Variants in PAPPA2 observed in about 807,000 individuals in gnomAD.
PAPPA2 encodes pappalysin-2.
A neutral mutation model predicts 176.4 loss-of-function variants in PAPPA2; 86 were observed. The ratio of observed to expected loss-of-function variants is 0.49; its 90% CI spans 0.41 to 0.58. The LOEUF (loss-of-function observed/expected upper bound fraction) is 0.58, where lower values mean the gene tolerates loss of function less well. Among genes scored for constraint, PAPPA2 ranks in the 20% least tolerant of loss-of-function variants. The pLI, the probability that PAPPA2 is intolerant of heterozygous loss-of-function variation, is 0.00. For synonymous variants in PAPPA2, 809 were observed against 852.2 expected (o/e 0.95, Z 0.88); for missense variants, 2,073 against 2,256.9 (o/e 0.92, Z 1.65).
chr1:176,778,543 A>G (rs1664563048), intron 17 of PAPPA2, among the ~76,000 whole-genome samples: 1 of 152,184 alleles, frequency 6.6e-6, no homozygotes, highest in Non-Finnish European at 1.5e-5. Flanking sequence ...AATAAACTGA[A>G]AATGTGCAGC....
chr1:176,578,001 C>T (rs1426635645), intron 2 of PAPPA2, among the ~76,000 whole-genome samples: 1 of 152,174 alleles, frequency 6.6e-6, no homozygotes, highest in Non-Finnish European at 1.5e-5. Flanking sequence ...AGGACTCTCA[C>T]TCCTAACTTT....
intron 1 of PAPPA2, among the ~76,000 whole-genome samples, chr1:176,498,460 C>T (rs1647757676): frequency 6.6e-6 from 1 of 152,110 alleles, no homozygotes; most frequent in Admixed American, 6.5e-5. Context: ...GGATAGAAAT[C>T]TGAAGCTGGC....
intron 1 of PAPPA2, among the ~76,000 whole-genome samples, chr1:176,534,687 A>G (rs1649979299): frequency 4.6e-5 from 7 of 152,204 alleles, no homozygotes; most frequent in Admixed American, 4.6e-4. Flanking sequence ...GAGAGAAGCA[A>G]TGCGGTTTAT....
At chr1:176,782,050 G>A (rs1407052743) in intron 17 of PAPPA2, among the ~76,000 whole-genome samples, 1 of 152,188 alleles carries the variant, frequency 6.6e-6, no homozygotes, top group Non-Finnish European at 1.5e-5. Flanking sequence ...CAGCACAAAT[G>A]CACTAAGTGA....
chr1:176,488,395 T>TA (rs954802162), intron 1 of PAPPA2, among the ~76,000 whole-genome samples: 9 of 152,104 alleles, frequency 5.9e-5, no homozygotes, highest in Admixed American at 1.3e-4. Context: ...TATGTATAGA[T>TA]AAAAAATGGT....
Position 176,717,531 on chromosome 1 carries a change from C to T in PAPPA2, c.3798+5550C>T, listed in dbSNP as rs547270869. On this transcript the variant is annotated intron_variant, in intron 12 of 22. Transcript: ENST00000367662. ...TCTGAGCTCACTGTCTATGGGGTAG[C>T]CTTGCTATGAGAGTAGCGGTACCTC... 1.5e-3 allele frequency among the ~76,000 whole-genome samples: 224 copies of T among 152,326 alleles called. 1 individual carries two copies. Among genetic ancestry groups the T allele is most frequent in the Non-Finnish European group, 2.9e-3 (197 of 68,026 alleles).
intron 1 of PAPPA2, among the ~76,000 whole-genome samples, chr1:176,491,446 A>G (rs1214369893): frequency 6.6e-6 from 1 of 152,188 alleles, no homozygotes; most frequent in Non-Finnish European, 1.5e-5. Flanking sequence ...TTGCATGAGA[A>G]AAAACACAGA....
chr1:176,784,830 C>G (rs1299587393), intron 17 of PAPPA2, among the ~76,000 whole-genome samples: 1 of 152,144 alleles, frequency 6.6e-6, no homozygotes, highest in Non-Finnish European at 1.5e-5. Context: ...TCATGATCCA[C>G]CCACCTTGGC....
intron 3 of PAPPA2, among the ~76,000 whole-genome samples, chr1:176,606,315 C>G (rs955832004): frequency 1.3e-5 from 2 of 152,032 alleles, no homozygotes; most frequent in African/African-American, 4.8e-5. Flanking sequence ...TCTTACACAC[C>G]AGCAAAATGT....
intron 15 of PAPPA2, 92 bp downstream of exon 15, chr1:176,765,929 T>C: frequency 2.7e-6 from 4 of 1,479,088 alleles, no homozygotes; most frequent in Non-Finnish European, 3.6e-6. Flanking sequence ...AAAGAGCAGA[T>C]GTTTTTAAAC....
At chr1:176,587,945 A>G (rs1029141181) in intron 2 of PAPPA2, among the ~76,000 whole-genome samples, 6 of 152,242 alleles carry the variant, frequency 3.9e-5, no homozygotes, top group Non-Finnish European at 8.8e-5. Flanking sequence ...TAATTCTGTG[A>G]AGAATGTCAA....
rs565809404 is a variant in PAPPA2 at position 176,788,015 on chromosome 1, G to A, written c.4716-1794G>A. Reference sequence around the variant, plus strand: ...GCAGAGGTTGCAGCGAGCCGAGATCGCGCCATTGCACTCCAGCCTAGGCAA... The same window carrying A: ...GCAGAGGTTGCAGCGAGCCGAGATCACGCCATTGCACTCCAGCCTAGGCAA... On this transcript the variant is annotated intron_variant, in intron 17 of 22. Coordinates refer to ENST00000367662, the MANE Select transcript of PAPPA2 (RefSeq NM_020318.3). Among the ~76,000 whole-genome samples, 65 of 151,992 alleles carry A rather than the reference G, an allele frequency of 4.3e-4. 2 individuals are homozygous for A. Among genetic ancestry groups the A allele is most frequent in the Admixed American group, 2.6e-3 (39 of 15,244 alleles).
chr1:176,842,723 A>T lies in PAPPA2; in HGVS notation c.*269A>T. On this transcript the variant is annotated 3_prime_UTR_variant, in exon 23 of 23. Coordinates refer to ENST00000367662, the MANE Select transcript of PAPPA2 (RefSeq NM_020318.3). ...GGGGAAATATGATAGATATATAAGG[A>T]CCCTCCTCCCTCACTTATATTCTAT... 1 of 432,374 alleles carries T rather than the reference A, an allele frequency of 2.3e-6. No homozygotes were observed. Among genetic ancestry groups the T allele is most frequent in the Non-Finnish European group, 4.2e-6 (1 of 237,726 alleles). 26.8% of individuals were successfully genotyped at this position (432,374 alleles called of 1,614,324 possible). A position where few individuals can be genotyped will look rare whatever the true frequency, so the allele number is the denominator to read the frequency against.
intron 3 of PAPPA2, among the ~76,000 whole-genome samples, chr1:176,610,229 A>G (rs1654835229): frequency 6.6e-6 from 1 of 151,470 alleles, no homozygotes; most frequent in African/African-American, 2.4e-5. Context: ...ATTCCTAGGA[A>G]TGTCTATGTC....
chr1:176,652,352 TTTTC>T (rs1436155778), intron 3 of PAPPA2, among the ~76,000 whole-genome samples: 1 of 151,806 alleles, frequency 6.6e-6, no homozygotes, highest in African/African-American at 2.4e-5. Context: ...AATCTGTTGC[TTTTC>T]TTTATTTTCC....
intron 1 of PAPPA2, among the ~76,000 whole-genome samples, chr1:176,530,684 T>C (rs1027305092): frequency 6.6e-6 from 1 of 152,086 alleles, no homozygotes; most frequent in African/African-American, 2.4e-5. Flanking sequence ...AACAGCAACA[T>C]CCACCAAATA....
chr1:176,727,044 A>G (rs1001393092), intron 12 of PAPPA2, among the ~76,000 whole-genome samples: 1 of 152,208 alleles, frequency 6.6e-6, no homozygotes, highest in African/African-American at 2.4e-5. Context: ...TGCATATTGT[A>G]ATCTCTAGAA....
chr1:176,763,983 G>A (rs907733771), intron 14 of PAPPA2, among the ~76,000 whole-genome samples: 10 of 152,214 alleles, frequency 6.6e-5, no homozygotes, highest in Non-Finnish European at 8.8e-5. Flanking sequence ...GTGTATGCTC[G>A]GCTTTCTTGC....
At chr1:176,753,616 G>C (rs1232684711) in intron 14 of PAPPA2, among the ~76,000 whole-genome samples, 1 of 35,894 alleles carries the variant, frequency 2.8e-5, no homozygotes. Context: ...TTTATTTTTT[G>C]ACTCCTCATC....
Sources: gnomAD v4.1 joint callset for allele counts (sites outside exome capture counted in the v4.1 genomes callset) on GRCh38, gnomAD v4.1.1 for gene constraint, MANE v1.5 for transcripts, NCBI Gene and HGNC (gene_info 2026-07-23, HGNC 2026-07-21) for gene names.